Variants in ACYP2 observed in about 807,000 individuals in gnomAD.
ACYP2 encodes the protein acylphosphatase 2, also known as acylphosphatase-2.
ACYP2 carries 12 observed loss-of-function variants against 11.2 expected under a neutral mutation model. The observed-to-expected ratio is 1.08, with a 90% CI of 0.69 to 1.74. The LOEUF is 1.74. Ranked by LOEUF, ACYP2 falls within the 40% of genes most tolerant of loss-of-function variation. ACYP2 has a pLI of 0.00. For synonymous variants in ACYP2, 43 were observed against 32.2 expected, an observed-to-expected ratio of 1.33 and a Z score of -1.13; for missense variants, 134 against 101.9, an observed-to-expected ratio of 1.31 and a Z score of -1.35.
intron 6 of ACYP2, among the ~76,000 whole-genome samples, chr2:54,219,618 CT>C (rs1237301462): frequency 6.6e-6 from 1 of 151,850 alleles, no homozygotes; most frequent in Non-Finnish European, 1.5e-5. Context: ...GTTCATAGCA[CT>C]TTTTTTGTTT....
intron 4 of ACYP2, among the ~76,000 whole-genome samples, chr2:54,096,219 C>T (rs1266988276): frequency 1.3e-5 from 2 of 149,534 alleles, no homozygotes; most frequent in Admixed American, 6.7e-5. Context: ...CAGAGACGCT[C>T]CTCACCTCCC....
At chr2:54,050,560 A>G (rs917478431) in intron 2 of ACYP2, among the ~76,000 whole-genome samples, 1 of 151,814 alleles carries the variant, frequency 6.6e-6, no homozygotes, top group Non-Finnish European at 1.5e-5. Context: ...AAAAAAAAAA[A>G]AAAAAGAAAA....
At chr2:54,099,895 T>G (rs754117332) in intron 4 of ACYP2, among the ~76,000 whole-genome samples, 3 of 152,228 alleles carry the variant, frequency 2.0e-5, no homozygotes, top group Non-Finnish European at 2.9e-5. Context: ...GTTATACTAA[T>G]GTACACTCCC....
chr2:54,197,268 A>G (rs966626291), intron 6 of ACYP2, among the ~76,000 whole-genome samples: 3 of 152,146 alleles, frequency 2.0e-5, no homozygotes, highest in African/African-American at 7.2e-5. Context: ...AGGGCACTGT[A>G]TATCTGAGGA....
chr2:54,258,173 A>T (rs908102442), intron 6 of ACYP2, among the ~76,000 whole-genome samples: 2 of 151,842 alleles, frequency 1.3e-5, no homozygotes, highest in African/African-American at 4.8e-5. Flanking sequence ...TTAGAAAGTT[A>T]TAAGTGCTAT....
intron 6 of ACYP2, among the ~76,000 whole-genome samples, chr2:54,220,163 T>G (rs1465972629): frequency 6.6e-6 from 1 of 151,972 alleles, no homozygotes. Context: ...GAAATAAAAT[T>G]TTCTGTTAAA....
At chr2:54,163,697 A>T (rs998142974) in intron 6 of ACYP2, among the ~76,000 whole-genome samples, 23 of 152,196 alleles carry the variant, frequency 1.5e-4, no homozygotes, top group Admixed American at 1.5e-3. Flanking sequence ...ACTACTAAAA[A>T]TACAAAAAAT....
intron 4 of ACYP2, among the ~76,000 whole-genome samples, chr2:54,131,777 G>C (rs1421108611): frequency 5.3e-5 from 8 of 152,088 alleles, no homozygotes; most frequent in African/African-American, 1.9e-4. Flanking sequence ...ATCTCTCCCA[G>C]ACCTTTCTTT....
intron 4 of ACYP2, among the ~76,000 whole-genome samples, chr2:54,081,725 T>C (rs1485419266): frequency 1.3e-5 from 2 of 152,328 alleles, no homozygotes; most frequent in South Asian, 4.1e-4. Flanking sequence ...GGTATCTGCT[T>C]TTGCTTTTAC....
chr2:54,213,217 C>T (rs370051742), intron 6 of ACYP2, among the ~76,000 whole-genome samples: 28 of 152,094 alleles, frequency 1.8e-4, no homozygotes, highest in African/African-American at 5.6e-4. Context: ...TGCATTAATT[C>T]GCTTAGCATA....
chr2:54,003,362 C>G (rs138335127), intron 2 of ACYP2, among the ~76,000 whole-genome samples: 2 of 151,796 alleles, frequency 1.3e-5, no homozygotes, highest in Non-Finnish European at 2.9e-5. Flanking sequence ...CAAGTTCAAG[C>G]GATTCTCCTG....
At chr2:54,193,023 C>T (rs926017736) in intron 6 of ACYP2, among the ~76,000 whole-genome samples, 1 of 152,126 alleles carries the variant, frequency 6.6e-6, no homozygotes, top group Non-Finnish European at 1.5e-5. Context: ...CCATATCAGG[C>T]TTCAATTAGT....
chr2:54,096,697 G>A (rs1572743831), intron 4 of ACYP2, among the ~76,000 whole-genome samples: 1 of 152,160 alleles, frequency 6.6e-6, no homozygotes, highest in East Asian at 1.9e-4. Flanking sequence ...GTCAGGTGTG[G>A]CGGCGCGCGC....
intron 2 of ACYP2, among the ~76,000 whole-genome samples, chr2:54,019,395 G>T (rs1223490189): frequency 6.6e-6 from 1 of 150,590 alleles, no homozygotes; most frequent in East Asian, 2.0e-4. Flanking sequence ...TATTTTTTTT[G>T]ACACACAGTC....
At chr2:54,150,945 T>G (rs4671891) in intron 6 of ACYP2, among the ~76,000 whole-genome samples, 85,906 of 151,032 alleles carry the variant, frequency 0.57, 24,575 homozygotes, top group East Asian at 0.72. Context: ...GTTTCACTGT[T>G]TTAGCCAGGA....
chr2:54,256,096 T>C lies in ACYP2; in HGVS notation c.405-48592T>C, dbSNP rs918214628. ...TCGGGACCTCTGGCCCTGGTGCGGG[T>C]CTTCCAGAGCATAGTCGAGAGTAGC... On this transcript the variant is annotated intron_variant, in intron 6 of 6. Coordinates refer to ENST00000607452, the MANE Select transcript of ACYP2 (RefSeq NM_001320586.2). 4 of 1,613,920 alleles carry C rather than the reference T, an allele frequency of 2.5e-6. No individual in the cohort carries two copies. The Admixed American group carries it at 5.0e-5, about 20-fold the overall frequency.
chr2:54,003,069 C>T lies in ACYP2; in HGVS notation c.62+29259C>T, dbSNP rs550918591. ...TTCAAGTGAATACTTGTGCCTCAGC[C>T]TCCCAAGTAGCTGGGATTACAGGCA... On this transcript the variant is annotated intron_variant, in intron 2 of 6. Coordinates refer to ENST00000607452, the MANE Select transcript of ACYP2 (RefSeq NM_001320586.2). Among the ~76,000 whole-genome samples, 17 of 152,230 alleles carry T rather than the reference C, an allele frequency of 1.1e-4. No individual in the cohort carries two copies. In the South Asian group the frequency reaches 3.5e-3, roughly 32 times the overall value.
intron 6 of ACYP2, among the ~76,000 whole-genome samples, chr2:54,267,566 A>C (rs1688094005): frequency 6.6e-6 from 1 of 152,208 alleles, no homozygotes; most frequent in South Asian, 2.1e-4. Flanking sequence ...TGCCATGAAT[A>C]ATAGGCCTCC....
At chr2:54,235,116 C>T (rs1346658551) in intron 6 of ACYP2, among the ~76,000 whole-genome samples, 1 of 152,148 alleles carries the variant, frequency 6.6e-6, no homozygotes, top group Non-Finnish European at 1.5e-5. Context: ...CAACATTTTG[C>T]TTCTATGTTT....
Sources: allele counts gnomAD v4.1 joint callset (sites outside exome capture counted in the v4.1 genomes callset), GRCh38; gene constraint gnomAD v4.1.1; transcripts MANE v1.5; gene names NCBI Gene and HGNC (gene_info 2026-07-23, HGNC 2026-07-21).